Variants in ROBO1 observed in about 807,000 individuals in gnomAD.
ROBO1 encodes the protein roundabout guidance receptor 1.
A neutral mutation model predicts 195.9 loss-of-function variants in ROBO1; 149 were observed. The observed-to-expected ratio is 0.76, with a 90% confidence interval of 0.67 to 0.87. ROBO1 has a LOEUF of 0.87. Ranked by LOEUF, ROBO1 falls within the 40% of genes least tolerant of loss-of-function variation. ROBO1 has a pLI of 0.00. For missense variants in ROBO1, 1,933 were observed against 2,068.3 expected (o/e 0.93, Z 1.27); for synonymous variants, 816 against 733.2 (o/e 1.11, Z -1.82).
chr3:78,710,263 G>A (rs1252910085), intron 8 of ROBO1, among the ~76,000 whole-genome samples: 2 of 152,126 alleles, frequency 1.3e-5, no homozygotes, highest in African/African-American at 4.8e-5. Context: ...TGTAGAGATG[G>A]AGCCATGAAC....
intron 4 of ROBO1, among the ~76,000 whole-genome samples, chr3:78,765,118 G>A (rs960524352): frequency 6.6e-6 from 1 of 151,980 alleles, no homozygotes; most frequent in Admixed American, 6.6e-5. Flanking sequence ...AAGTTAAGAG[G>A]AGCACGTCAC....
intron 3 of ROBO1, among the ~76,000 whole-genome samples, chr3:78,956,361 T>C (rs1288905796): frequency 1.3e-5 from 2 of 152,146 alleles, no homozygotes; most frequent in Non-Finnish European, 2.9e-5. Flanking sequence ...ATATAATGCC[T>C]ACATGCATTT....
intron 1 of ROBO1, among the ~76,000 whole-genome samples, chr3:79,728,186 AC>A (rs1703001016): frequency 6.6e-6 from 1 of 151,906 alleles, no homozygotes; most frequent in Non-Finnish European, 1.5e-5. Flanking sequence ...TAAAGACTGT[AC>A]TTTTTTTATT....
At chr3:79,657,065 C>G (rs1946188343) in intron 1 of ROBO1, among the ~76,000 whole-genome samples, 1 of 151,974 alleles carries the variant, frequency 6.6e-6, no homozygotes, top group Non-Finnish European at 1.5e-5. Context: ...CCAAATGTAA[C>G]CTTTGAAAAT....
At chr3:78,900,279 A>C (rs1342410267) in intron 4 of ROBO1, among the ~76,000 whole-genome samples, 1 of 152,216 alleles carries the variant, frequency 6.6e-6, no homozygotes, top group African/African-American at 2.4e-5. Context: ...ATTATTTCAT[A>C]ATTTCTATAT....
chr3:79,057,671 G>C (rs866889735), intron 3 of ROBO1, among the ~76,000 whole-genome samples: 1 of 151,852 alleles, frequency 6.6e-6, no homozygotes, highest in African/African-American at 2.4e-5. Context: ...ACTGGATCTC[G>C]CTTACAATGG....
In ROBO1 at chr3:79,072,235, T is replaced by C. The variant is rs140914412; in HGVS notation, c.172+53221A>G. Among the ~76,000 whole-genome samples, 559 of 152,022 alleles carry C rather than the reference T, an allele frequency of 3.7e-3. 7 individuals carry two copies. Among genetic ancestry groups the C allele is most frequent in the African/African-American group, 0.013 (520 of 41,506 alleles). ...TTACTCTGACACTATGACATGATTTTGTTAGACATGTCATAGAAACTCCAT... is the reference window on the plus strand; with the variant it reads ...TTACTCTGACACTATGACATGATTTCGTTAGACATGTCATAGAAACTCCAT... On this transcript the variant is annotated intron_variant, in intron 3 of 30. Coordinates refer to ENST00000464233, the MANE Select transcript of ROBO1 (RefSeq NM_002941.4).
chr3:79,193,791 A>G (rs2108761442), intron 2 of ROBO1, among the ~76,000 whole-genome samples: 1 of 151,522 alleles, frequency 6.6e-6, no homozygotes, highest in African/African-American at 2.4e-5. Flanking sequence ...AGCCCTAGGG[A>G]GTGTCAAACT....
chr3:78,729,730 GA>G (rs2082245268), intron 5 of ROBO1, among the ~76,000 whole-genome samples: 1 of 152,168 alleles, frequency 6.6e-6, no homozygotes, highest in African/African-American at 2.4e-5. Context: ...GCAATATAAA[GA>G]GTGGTTTTAG....
rs180766668 is a variant in ROBO1, at chr3:79,492,400, G to A, written c.88+97424C>T. Reference sequence around the variant, plus strand: ...AGATAGCGCCATTGCACTCCAGCCTGGGCAATAAGAGTGAGACTCTGTTTC... The same window carrying A: ...AGATAGCGCCATTGCACTCCAGCCTAGGCAATAAGAGTGAGACTCTGTTTC... On this transcript the variant is annotated intron_variant, in intron 2 of 30. Coordinates refer to ENST00000464233, the MANE Select transcript of ROBO1 (RefSeq NM_002941.4). Among the ~76,000 whole-genome samples the A allele has an allele frequency of 2.0e-3, 292 of 143,664 alleles. 2 individuals carry two copies. Among genetic ancestry groups the A allele is most frequent in the African/African-American group, 6.5e-3 (242 of 37,372 alleles). 94.2% of individuals were successfully genotyped at this position (143,664 alleles called of 152,430 possible).
At chr3:78,887,167 G>A (rs1398821054) in intron 4 of ROBO1, among the ~76,000 whole-genome samples, 2 of 152,158 alleles carry the variant, frequency 1.3e-5, no homozygotes, top group Non-Finnish European at 2.9e-5. Context: ...GAGAGTAAAG[G>A]AGAGAGGAAA....
intron 4 of ROBO1, among the ~76,000 whole-genome samples, chr3:78,930,473 C>CACA (rs2039452757): frequency 2.0e-5 from 3 of 152,214 alleles, no homozygotes; most frequent in Admixed American, 2.0e-4. Flanking sequence ...GGAAGAAGAG[C>CACA]ACATTCCAGG....
chr3:79,355,603 ACTCT>A, intron 2 of ROBO1, among the ~76,000 whole-genome samples: 1 of 151,928 alleles, frequency 6.6e-6, no homozygotes, highest in South Asian at 2.1e-4. Flanking sequence ...CCACTGTTCT[ACTCT>A]CTAATTCTAT....
intron 2 of ROBO1, among the ~76,000 whole-genome samples, chr3:79,370,791 AGCCCT>A (rs1208804294): frequency 6.6e-6 from 1 of 151,994 alleles, no homozygotes; most frequent in Non-Finnish European, 1.5e-5. Flanking sequence ...CTAGGTTTTA[AGCCCT>A]GCATGCATTA....
intron 4 of ROBO1, among the ~76,000 whole-genome samples, chr3:78,752,888 T>C (rs1281773315): frequency 6.6e-6 from 1 of 152,136 alleles, no homozygotes; most frequent in Non-Finnish European, 1.5e-5. Flanking sequence ...GTCTTCTACT[T>C]GTATTTTTCT....
Position 78,981,765 on chromosome 3 carries a change from G to A in ROBO1, c.173-42838C>T, listed in dbSNP as rs568112973. On this transcript the variant is annotated intron_variant, in intron 3 of 30. Coordinates refer to ENST00000464233, the MANE Select transcript of ROBO1 (RefSeq NM_002941.4). ...CTTCCCAGCCTTCTCTCATTTCTCC[G>A]CTCCCATCCCCTGGCCCCTGCCAAC... Among the ~76,000 whole-genome samples the A allele has an allele frequency of 9.4e-5, 14 of 148,568 alleles. No individual in the cohort carries two copies. The East Asian group carries it at 2.0e-3, about 21-fold the overall frequency.
At chr3:79,354,875 C>A (rs1416438983) in intron 2 of ROBO1, among the ~76,000 whole-genome samples, 1 of 152,056 alleles carries the variant, frequency 6.6e-6, no homozygotes, top group Non-Finnish European at 1.5e-5. Flanking sequence ...ATCTTAGAAA[C>A]CATGCAAGTG....
chr3:79,539,883 G>A (rs751437898), intron 2 of ROBO1, among the ~76,000 whole-genome samples: 4 of 152,008 alleles, frequency 2.6e-5, no homozygotes, highest in East Asian at 1.9e-4. Flanking sequence ...ATTTTATGAT[G>A]TAGACTATTG....
In ROBO1 at chr3:79,673,158, A is replaced by C. The variant is rs1177282034; in HGVS notation, c.-50-83197T>G. On this transcript the variant is annotated intron_variant, in intron 1 of 30. Coordinates refer to ENST00000464233, the MANE Select transcript of ROBO1 (RefSeq NM_002941.4). Reference sequence around the variant, plus strand: ...AGAATTATTCTCGAAAGCCAAAAAAATTGATTTGTTGTTTTATGTAACAAC... The same window carrying C: ...AGAATTATTCTCGAAAGCCAAAAAACTTGATTTGTTGTTTTATGTAACAAC... Among the ~76,000 whole-genome samples the C allele has an allele frequency of 2.0e-5, 3 of 152,000 alleles. No individual in the cohort carries two copies. The East Asian group carries it at 5.8e-4, about 29-fold the overall frequency.
Sources: gnomAD v4.1 joint callset for allele counts (sites outside exome capture counted in the v4.1 genomes callset) on GRCh38, gnomAD v4.1.1 for gene constraint, MANE v1.5 for transcripts, NCBI Gene and HGNC (gene_info 2026-07-23, HGNC 2026-07-21) for gene names.